The following KCNMA1 variants were observed in gnomAD, a reference collection of about 807,000 sequenced individuals.
The protein encoded by KCNMA1 is potassium calcium-activated channel subfamily M alpha 1.
In KCNMA1, 29 loss-of-function variants were observed where a neutral mutation model predicts 140.0. The ratio of observed to expected loss-of-function variants is 0.21; its 90% confidence interval spans 0.15 to 0.28. KCNMA1 has a LOEUF of 0.28. KCNMA1 is among the 10% of genes least tolerant of loss of function. The probability of loss-of-function intolerance (pLI) is 1.00; values close to 1 mark genes in which losing one functional copy is unlikely to be tolerated. For synonymous variants in KCNMA1, 612 were observed against 611.9 expected (o/e 1.00, Z 0.00); for missense variants, 880 against 1,602.2 (o/e 0.55, Z 7.70).
chr10:77,179,267 T>A (rs897996695), intron 5 of KCNMA1, among the ~76,000 whole-genome samples: 1 of 151,916 alleles, frequency 6.6e-6, no homozygotes, highest in Admixed American at 6.6e-5. Context: ...GTGGACTGAG[T>A]TGGTGGAGCT....
At chr10:77,258,953 ACT>A (rs1161858831) in intron 2 of KCNMA1, among the ~76,000 whole-genome samples, 1 of 147,712 alleles carries the variant, frequency 6.8e-6, no homozygotes, top group African/African-American at 2.5e-5. Context: ...ACAGAGCGAG[ACT>A]CTGTCTCAAA....
intron 3 of KCNMA1, chr10:77,217,590 A>G (rs2048220432): frequency 1.8e-5 from 8 of 455,918 alleles, no homozygotes; most frequent in South Asian, 1.1e-4. Flanking sequence ...ATACTTACAG[A>G]TGACACAGAC....
At chr10:77,386,358 G>C (rs2077641) in intron 2 of KCNMA1, among the ~76,000 whole-genome samples, 55,786 of 152,160 alleles carry the variant, frequency 0.37, 12,250 homozygotes, top group African/African-American at 0.61. Flanking sequence ...CAGTTAATAG[G>C]GCTTTCTATT....
chr10:77,211,845 C>G (rs112647053), intron 3 of KCNMA1, among the ~76,000 whole-genome samples: 2,972 of 152,228 alleles, frequency 0.02, 97 homozygotes, highest in African/African-American at 0.067. Context: ...ACATGAAAAA[C>G]TGCTCATCAT....
intron 3 of KCNMA1, among the ~76,000 whole-genome samples, chr10:77,199,315 A>T (rs1191219418): frequency 6.6e-6 from 1 of 152,214 alleles, no homozygotes; most frequent in Non-Finnish European, 1.5e-5. Flanking sequence ...TCAATAAGAC[A>T]TGATTCTTGC....
At chr10:77,497,904 G>A (rs2154544121) in intron 1 of KCNMA1, among the ~76,000 whole-genome samples, 1 of 152,306 alleles carries the variant, frequency 6.6e-6, no homozygotes, top group African/African-American at 2.4e-5. Flanking sequence ...GAAGGATGCT[G>A]CCACTGGCTT....
intron 16 of KCNMA1, 62 bp downstream of exon 16, chr10:77,027,761 T>C: frequency 7.6e-7 from 1 of 1,322,558 alleles, no homozygotes; most frequent in Non-Finnish European, 1.1e-6. Flanking sequence ...GAACCGACCG[T>C]TCTCAGAACG....
intron 1 of KCNMA1, among the ~76,000 whole-genome samples, chr10:77,490,256 A>G (rs1455842548): frequency 1.3e-5 from 2 of 151,904 alleles, no homozygotes; most frequent in African/African-American, 4.8e-5. Flanking sequence ...TAAATATCCA[A>G]CTCCCATAAT....
chr10:76,921,037 G>A (rs1406768216), intron 23 of KCNMA1, among the ~76,000 whole-genome samples: 1 of 152,150 alleles, frequency 6.6e-6, no homozygotes, highest in Non-Finnish European at 1.5e-5. Flanking sequence ...GGGAGAGAGG[G>A]AGATGGAAAT....
chr10:77,213,798 A>G (rs911850382), intron 3 of KCNMA1, among the ~76,000 whole-genome samples: 2 of 152,128 alleles, frequency 1.3e-5, no homozygotes, highest in Admixed American at 1.3e-4. Context: ...AGCAGCAACT[A>G]TAGTGTTTCT....
intron 24 of KCNMA1, 158 bp downstream of exon 24, chr10:76,914,778 G>T (rs1001133137): frequency 1.6e-6 from 1 of 638,790 alleles, no homozygotes; most frequent in Non-Finnish European, 2.9e-6. Flanking sequence ...CCGGTAATCT[G>T]CCATATTTCT....
At chr10:77,132,666 T>C (rs1305736000) in intron 5 of KCNMA1, among the ~76,000 whole-genome samples, 2 of 152,034 alleles carry the variant, frequency 1.3e-5, no homozygotes, top group African/African-American at 4.8e-5. Flanking sequence ...ATATTGTGGA[T>C]AAATTTTATA....
intron 1 of KCNMA1, among the ~76,000 whole-genome samples, chr10:77,407,435 C>A (rs1241099493): frequency 6.6e-6 from 1 of 152,212 alleles, no homozygotes; most frequent in Non-Finnish European, 1.5e-5. Flanking sequence ...TGTTGGCCAC[C>A]ATTGAACAAG....
intron 2 of KCNMA1, among the ~76,000 whole-genome samples, chr10:77,322,576 T>C (rs1398609296): frequency 1.3e-5 from 2 of 152,210 alleles, no homozygotes; most frequent in Non-Finnish European, 2.9e-5. Context: ...AAGAGTGGAC[T>C]GGAGGTGGGT....
chr10:76,916,213 C>T (rs992597587), intron 23 of KCNMA1, among the ~76,000 whole-genome samples: 1 of 152,082 alleles, frequency 6.6e-6, no homozygotes, highest in Non-Finnish European at 1.5e-5. Flanking sequence ...CCCAGTGTGC[C>T]AAACACAGAC....
chr10:77,012,437 T>C (rs1458989789), intron 17 of KCNMA1: 2 of 1,549,120 alleles, frequency 1.3e-6, no homozygotes, highest in Non-Finnish European at 8.7e-7. Flanking sequence ...TCCCACAGTC[T>C]GGTCAAATAT....
rs79193682 is a variant in KCNMA1 at position 77,171,651 on chromosome 10, G to C, written c.808+11770C>G. ...AGTTCCTGGGTGATTCTAACATACTGCCAAGATCATTTAGCCCATAGAAGA... is the reference window on the plus strand; with the variant it reads ...AGTTCCTGGGTGATTCTAACATACTCCCAAGATCATTTAGCCCATAGAAGA... On this transcript the variant is annotated intron_variant, in intron 5 of 27. Coordinates refer to ENST00000286628, the MANE Select transcript of KCNMA1 (RefSeq NM_001161352.2). Among the ~76,000 whole-genome samples, 1,417 of 152,150 alleles carry C rather than the reference G, an allele frequency of 9.3e-3. 19 individuals are homozygous for C. The highest frequency in any genetic ancestry group is 0.033 in the African/African-American group (1,367 of 41,486).
At chr10:77,565,857 A>G (rs1321589532) in intron 1 of KCNMA1, among the ~76,000 whole-genome samples, 1 of 151,806 alleles carries the variant, frequency 6.6e-6, no homozygotes, top group South Asian at 2.1e-4. Context: ...TGAGCCTCCC[A>G]CCCCATCCCC....
At chr10:77,423,668 A>G (rs2096916072) in intron 1 of KCNMA1, among the ~76,000 whole-genome samples, 1 of 152,174 alleles carries the variant, frequency 6.6e-6, no homozygotes, top group Non-Finnish European at 1.5e-5. Flanking sequence ...TCTCCAATCC[A>G]TGCCAACCCA....
Sources: gnomAD v4.1 joint callset for allele counts (sites outside exome capture counted in the v4.1 genomes callset) on GRCh38, gnomAD v4.1.1 for gene constraint, MANE v1.5 for transcripts, NCBI Gene and HGNC (gene_info 2026-07-23, HGNC 2026-07-21) for gene names.